SLC8A1: variants seen among roughly 807,000 people sequenced by gnomAD.
SLC8A1 encodes the protein solute carrier family 8 member A1, also known as sodium/calcium exchanger 1.
A neutral mutation model predicts 68.3 loss-of-function variants in SLC8A1; 18 were observed. The ratio of observed to expected loss-of-function variants is 0.26; its 90% CI spans 0.18 to 0.39. The LOEUF (loss-of-function observed/expected upper bound fraction) is 0.39, where lower values mean the gene tolerates loss of function less well. SLC8A1 is among the 10% of genes least tolerant of loss of function. The probability of loss-of-function intolerance (pLI) is 1.00; values close to 1 mark genes in which losing one functional copy is unlikely to be tolerated. For synonymous variants in SLC8A1, 475 were observed against 415.5 expected, an observed-to-expected ratio of 1.14 and a Z score of -1.74; for missense variants, 985 against 1,156.7, an observed-to-expected ratio of 0.85 and a Z score of 2.15.
At chr2:40,226,578 G>C (rs1184485851) in intron 2 of SLC8A1, among the ~76,000 whole-genome samples, 2 of 152,108 alleles carry the variant, frequency 1.3e-5, no homozygotes, top group Non-Finnish European at 2.9e-5. Flanking sequence ...TCTGGAAAGG[G>C]TCTAGATTCT....
chr2:40,136,160 T>G (rs915611677), intron 7 of SLC8A1, among the ~76,000 whole-genome samples: 1 of 152,162 alleles, frequency 6.6e-6, no homozygotes, highest in Non-Finnish European at 1.5e-5. Context: ...GGAAGCCTCT[T>G]TCTCCAGAGA....
rs61409801 is a variant in SLC8A1 at position 40,302,599 on chromosome 2, G to GAT, written c.1809-124746_1809-124745dup. 6.2e-4 allele frequency among the ~76,000 whole-genome samples: 92 copies of GAT among 147,798 alleles called. 1 individual carries two copies. The highest frequency in any genetic ancestry group is 5.9e-3 in the East Asian group (30 of 5,080). ...ATATATCATATATATACATATGTAT[G>GAT]ATATATATATATATAAAACAATTTC... is the stretch of plus-strand genomic sequence containing the variant. On this transcript the variant is annotated intron_variant, in intron 2 of 7. Transcript: ENST00000406785.
Position 40,303,573 on chromosome 2 carries a change from C to T in SLC8A1, c.1808+124900G>A, listed in dbSNP as rs138741095. 1.1e-4 allele frequency among the ~76,000 whole-genome samples: 16 copies of T among 152,240 alleles called. No individual in the cohort carries two copies. The East Asian group carries it at 3.1e-3, about 29-fold the overall frequency. On this transcript the variant is annotated intron_variant, in intron 2 of 7. Transcript: ENST00000406785. ...CTCTAGGTATCTGATTGCATATGTT[C>T]CTGTGTGCTCCTAAAGGTGCCAGGG...
chr2:40,098,041 T>C (rs2033678503), exon 8 of SLC8A1: 1 of 152,034 alleles, frequency 6.6e-6, no homozygotes, highest in Admixed American at 6.6e-5. Context: ...GTAAATCACA[T>C]ATATCTTAAG....
intron 2 of SLC8A1, chr2:40,251,260 A>C (rs1285339333): frequency 6.6e-6 from 1 of 152,186 alleles, no homozygotes; most frequent in Non-Finnish European, 1.5e-5. Context: ...AGTCAGAGAT[A>C]GATATAAAAA....
chr2:40,196,929 T>C (rs963375671), intron 2 of SLC8A1, among the ~76,000 whole-genome samples: 1 of 152,048 alleles, frequency 6.6e-6, no homozygotes, highest in Non-Finnish European at 1.5e-5. Flanking sequence ...GTGGTAAAAG[T>C]CCATTTATTA....
At chr2:40,114,994 A>G (rs5539) in exon 8 of SLC8A1, 101 of 227,142 alleles carry the variant, frequency 4.4e-4, no homozygotes, top group African/African-American at 2.1e-3. Flanking sequence ...TTAAGGATTT[A>G]TCAACCTGGA....
At chr2:40,231,590 G>A (rs753616305) in intron 2 of SLC8A1, among the ~76,000 whole-genome samples, 1 of 152,040 alleles carries the variant, frequency 6.6e-6, no homozygotes, top group Non-Finnish European at 1.5e-5. Flanking sequence ...TGAGTCTAGT[G>A]TTCTCACCTT....
chr2:40,236,911 G>C (rs2060466001), intron 2 of SLC8A1, among the ~76,000 whole-genome samples: 1 of 152,002 alleles, frequency 6.6e-6, no homozygotes, highest in Non-Finnish European at 1.5e-5. Context: ...TTTTCTTTAA[G>C]AATGTTGAAC....
At chr2:40,245,010 C>T (rs1342878907) in intron 2 of SLC8A1, among the ~76,000 whole-genome samples, 4 of 152,192 alleles carry the variant, frequency 2.6e-5, no homozygotes, top group Non-Finnish European at 4.4e-5. Flanking sequence ...TCAAAGGTAG[C>T]TTCCTGACTC....
chr2:40,494,639 TAATA>T (rs1177666301), intron 1 of SLC8A1, among the ~76,000 whole-genome samples: 9 of 75,432 alleles, frequency 1.2e-4, no homozygotes, highest in African/African-American at 5.3e-4. Context: ...ACTTAAAGTA[TAATA>T]TATATATATA....
intron 2 of SLC8A1, among the ~76,000 whole-genome samples, chr2:40,390,308 C>CT (rs1008250255): frequency 5.3e-5 from 8 of 151,194 alleles, no homozygotes; most frequent in East Asian, 1.9e-4. Flanking sequence ...TTATTTACCA[C>CT]TTTTTTTTTA....
At chr2:40,358,686 A>C (rs1673528771) in intron 2 of SLC8A1, among the ~76,000 whole-genome samples, 1 of 152,214 alleles carries the variant, frequency 6.6e-6, no homozygotes, top group African/African-American at 2.4e-5. Flanking sequence ...AACAATCTGT[A>C]CAATGGCCTA....
intron 2 of SLC8A1, among the ~76,000 whole-genome samples, chr2:40,371,034 TCTTA>T (rs565752538): frequency 8.5e-4 from 129 of 152,190 alleles, no homozygotes; most frequent in African/African-American, 3.0e-3. Context: ...AGGCTGTCTC[TCTTA>T]CTTTCAGAAA....
intron 1 of SLC8A1, among the ~76,000 whole-genome samples, chr2:40,432,401 T>TGTGTGTGTGTGTG (rs1553607883): frequency 1.6e-5 from 2 of 128,736 alleles, no homozygotes; most frequent in Admixed American, 8.4e-5. Flanking sequence ...GAGTGTGAGA[T>TGTGTGTGTGTGTG]TGTGTGTGTG....
chr2:40,280,634 C>T (rs2192772), intron 2 of SLC8A1, among the ~76,000 whole-genome samples: 35,143 of 152,042 alleles, frequency 0.23, 4,862 homozygotes, highest in African/African-American at 0.36. Context: ...TGAATCCCTG[C>T]CTTCTGGGGT....
intron 2 of SLC8A1, among the ~76,000 whole-genome samples, chr2:40,285,361 T>C (rs1377269280): frequency 1.4e-5 from 2 of 146,884 alleles, no homozygotes; most frequent in Non-Finnish European, 2.9e-5. Flanking sequence ...GTAAACACTG[T>C]GTAAAAGACA....
At position 40,129,586 on chromosome 2, in the gene SLC8A1, T is replaced by C. The variant is rs139188437; in HGVS notation, c.2437+9815A>G. Among the ~76,000 whole-genome samples the C allele has an allele frequency of 3.9e-3, 596 of 152,278 alleles. 2 individuals carry two copies. Among genetic ancestry groups the C allele is most frequent in the Non-Finnish European group, 5.3e-3 (361 of 68,036 alleles). ...AGAAATAAAAGTCATCAACTCAACA[T>C]TATTTACAAATCATTCCTTAGAGAC... On this transcript the variant is annotated intron_variant, in intron 7 of 7. Coordinates refer to ENST00000406785, the Ensembl canonical transcript of SLC8A1.
At chr2:40,187,520 G>C (rs1279414031) in intron 2 of SLC8A1, among the ~76,000 whole-genome samples, 2 of 152,188 alleles carry the variant, frequency 1.3e-5, no homozygotes, top group African/African-American at 4.8e-5. Flanking sequence ...GAGTTCTGGA[G>C]TTGGGGTTTT....
Sources: allele counts gnomAD v4.1 joint callset (sites outside exome capture counted in the v4.1 genomes callset), GRCh38; gene constraint gnomAD v4.1.1; transcripts MANE v1.5; gene names NCBI Gene and HGNC (gene_info 2026-07-23, HGNC 2026-07-21).